The following ITPR2 variants were observed in gnomAD, a reference collection of about 807,000 sequenced individuals.
ITPR2 encodes the protein inositol 1,4,5-trisphosphate-gated calcium channel ITPR2.
In ITPR2, 207 loss-of-function variants were observed where a neutral mutation model predicts 317.1. The ratio of observed to expected loss-of-function variants is 0.65; its 90% CI spans 0.58 to 0.73. The LOEUF is 0.73. Ranked by LOEUF, ITPR2 falls within the 30% of genes least tolerant of loss-of-function variation. The probability of loss-of-function intolerance (pLI) is 0.00; values close to 1 mark genes in which losing one functional copy is unlikely to be tolerated. For missense variants in ITPR2, 2,613 were observed against 3,284.0 expected (o/e 0.80, Z 4.99); for synonymous variants, 1,156 against 1,149.1 (o/e 1.01, Z -0.12).
Position 26,578,698 on chromosome 12 carries a change from C to CAA in ITPR2, c.4630+13_4630+14dup. The CAA allele has an allele frequency of 6.4e-7, 1 of 1,573,610 alleles. No individual in the cohort carries two copies. The highest frequency in any genetic ancestry group is 8.7e-7 in the Non-Finnish European group (1 of 1,152,216). On this transcript the variant is annotated intron_variant, in intron 34 of 56. Coordinates refer to ENST00000381340, the MANE Select transcript of ITPR2 (RefSeq NM_002223.4). Reference sequence around the variant, plus strand: ...AAGAAATGTAAAAATAAGTAAAACTCAAACTATGACTTACCCACTTCAGCC... The same window carrying CAA: ...AAGAAATGTAAAAATAAGTAAAACTCAAAAACTATGACTTACCCACTTCAGCC...
chr12:26,398,764 C>A (rs780891302), intron 54 of ITPR2, 112 bp downstream of exon 54: 1 of 863,822 alleles, frequency 1.2e-6, no homozygotes, highest in Non-Finnish European at 1.8e-6. Context: ...TTTTATCCAA[C>A]CTTCATTTTG....
chr12:26,560,304 T>A (rs1405147151), intron 35 of ITPR2, among the ~76,000 whole-genome samples: 1 of 152,086 alleles, frequency 6.6e-6, no homozygotes, highest in Non-Finnish European at 1.5e-5. Context: ...TCTTTTTTTT[T>A]CTCCTATCAC....
At chr12:26,637,739 T>C (rs1433438438) in intron 21 of ITPR2, among the ~76,000 whole-genome samples, 1 of 152,224 alleles carries the variant, frequency 6.6e-6, no homozygotes, top group Non-Finnish European at 1.5e-5. Context: ...GTCACCACCT[T>C]ACTAATGAAT....
chr12:26,731,477 C>T (rs567691977), intron 2 of ITPR2, among the ~76,000 whole-genome samples: 1 of 152,082 alleles, frequency 6.6e-6, no homozygotes, highest in Non-Finnish European at 1.5e-5. Context: ...AAGGGGCAGG[C>T]AGACAAGGGG....
At chr12:26,605,126 A>AAAATATATATATATATATATATATAT (rs1555165395) in intron 26 of ITPR2, among the ~76,000 whole-genome samples, 18 of 136,316 alleles carry the variant, frequency 1.3e-4, no homozygotes, top group Admixed American at 1.0e-3. Flanking sequence ...AAAAAATAAA[A>AAAATATATATATATATATATATATAT]ATATATATAT....
chr12:26,452,423 C>T (rs1941764403), intron 45 of ITPR2, among the ~76,000 whole-genome samples: 1 of 152,068 alleles, frequency 6.6e-6, no homozygotes, highest in Non-Finnish European at 1.5e-5. Context: ...ATATGCTCCA[C>T]TTAATTTTAA....
chr12:26,536,565 T>A (rs1052387826), intron 37 of ITPR2, among the ~76,000 whole-genome samples: 2 of 150,822 alleles, frequency 1.3e-5, no homozygotes, highest in African/African-American at 4.8e-5. Flanking sequence ...AAGGAGTAAA[T>A]GTCAGAGCAT....
chr12:26,656,242 G>C (rs1365574920), intron 19 of ITPR2, 55 bp downstream of exon 19: 1 of 1,592,638 alleles, frequency 6.3e-7, no homozygotes, highest in African/African-American at 1.3e-5. Context: ...GTAGACATTT[G>C]ACGTGGAGTT....
chr12:26,832,897 G>C lies in ITPR2; in HGVS notation c.-116C>G. 1 of 796,966 alleles carries C rather than the reference G, an allele frequency of 1.3e-6. No individual in the cohort carries two copies. Among genetic ancestry groups the C allele is most frequent in the Non-Finnish European group, 2.0e-6 (1 of 492,230 alleles). 49.4% of individuals were successfully genotyped at this position (796,966 alleles called of 1,614,324 possible). On this transcript the variant is annotated 5_prime_UTR_variant, in exon 1 of 57. Coordinates refer to ENST00000381340, the MANE Select transcript of ITPR2 (RefSeq NM_002223.4). ...GATCGCGGGACTACAGCGGCCAAGA[G>C]CCGCGGCGGAGGGCACGGCCCGAGC...
chr12:26,653,600 A>G (rs1947307797), intron 21 of ITPR2, among the ~76,000 whole-genome samples: 1 of 152,142 alleles, frequency 6.6e-6, no homozygotes, highest in Admixed American at 6.5e-5. Flanking sequence ...TCTCTCTTTG[A>G]CACCTTATAA....
chr12:26,756,464 T>C (rs939133274), intron 2 of ITPR2, among the ~76,000 whole-genome samples: 6 of 152,234 alleles, frequency 3.9e-5, no homozygotes, highest in Non-Finnish European at 8.8e-5. Context: ...TCTTGAGATA[T>C]TTTTACTTAT....
rs112137274 is a variant in ITPR2, at chr12:26,811,666, G to A, written c.92+21024C>T. 9.5e-3 allele frequency among the ~76,000 whole-genome samples: 1,357 copies of A among 142,438 alleles called. 5 individuals are homozygous for A. The highest frequency in any genetic ancestry group is 0.015 in the Non-Finnish European group (1,006 of 65,512). 93.4% of individuals were successfully genotyped at this position (142,438 alleles called of 152,430 possible). A position where few individuals can be genotyped will look rare whatever the true frequency, so the allele number is the denominator to read the frequency against. On this transcript the variant is annotated intron_variant, in intron 1 of 56. Coordinates refer to ENST00000381340, the MANE Select transcript of ITPR2 (RefSeq NM_002223.4). ...GACGCCACTGCACTCCAGCCTGGGGGACAGCGAGACTCTGTCTCAAAAAAA... is the reference window on the plus strand; with the variant it reads ...GACGCCACTGCACTCCAGCCTGGGGAACAGCGAGACTCTGTCTCAAAAAAA...
Position 26,486,279 on chromosome 12 carries a change from C to T in ITPR2, c.5636G>A (p.Cys1879Tyr). 1 of 1,614,014 alleles carries T rather than the reference C, an allele frequency of 6.2e-7. No individual in the cohort carries two copies. The highest frequency in any genetic ancestry group is 1.1e-5 in the South Asian group (1 of 91,082). Reference protein sequence around the residue: ...EASSATSKAYCVYRREMDPEI... With the variant: ...EASSATSKAYYVYRREMDPEI... ...TGGATCCATTTCTCTTCTGTATACA[C>T]AATATGCTTTGGATGTTGCTGAAGA... is the stretch of plus-strand genomic sequence containing the variant. Residue 1879 changes from cysteine to tyrosine, a missense_variant, in exon 41 of 57, where the codon TGT (cysteine) becomes TAT (tyrosine). By Grantham distance (194) the Cys-to-Tyr change is radical. Around this residue, in one of 9 missense-constraint regions of ITPR2, gnomAD observed 926 missense variants for 1,072.8 expected, o/e 0.86. Transcript: ENST00000381340.
intron 54 of ITPR2, among the ~76,000 whole-genome samples, chr12:26,391,550 CTT>C (rs1565501133): frequency 4.2e-4 from 25 of 59,908 alleles, no homozygotes; most frequent in Admixed American, 1.7e-3. Context: ...TCTTCTTCTT[CTT>C]TTCCTTTTTT....
At chr12:26,488,432 C>T (rs150782885) in intron 39 of ITPR2, among the ~76,000 whole-genome samples, 183 of 152,142 alleles carry the variant, frequency 1.2e-3, no homozygotes, top group African/African-American at 4.1e-3. Context: ...GGATCTGTAA[C>T]TGAGACTCTA....
Position 26,831,681 on chromosome 12 carries a change from T to TATATATATTTATATAA in ITPR2, c.92+1008_92+1009insTTATATAAATATATAT, listed in dbSNP as rs1365085035. Among the ~76,000 whole-genome samples the TATATATATTTATATAA allele has an allele frequency of 0.033, 4,607 of 138,850 alleles. 454 individuals carry two copies. The highest frequency in any genetic ancestry group is 0.052 in the Non-Finnish European group (3,251 of 62,300). 91.1% of individuals were successfully genotyped at this position (138,850 alleles called of 152,430 possible). The stretch of plus-strand genomic sequence containing the variant: ...TTTGGCACACTGTTTTATATATAAA[T>TATATATATTTATATAA]ATATATATATATTCTACATAAAATA... On this transcript the variant is annotated intron_variant, in intron 1 of 56. Coordinates refer to ENST00000381340, the MANE Select transcript of ITPR2 (RefSeq NM_002223.4). This position sits in a 1 kb window ranked among gnomAD's most constrained non-coding sequence, Gnocchi z 4.9.
intron 49 of ITPR2, among the ~76,000 whole-genome samples, chr12:26,422,986 C>T (rs1342791915): frequency 6.6e-6 from 1 of 152,086 alleles, no homozygotes; most frequent in African/African-American, 2.4e-5. Flanking sequence ...ATGTGTAAGG[C>T]AAAATTTGCA....
chr12:26,714,234 C>T (rs1456831289), intron 8 of ITPR2, among the ~76,000 whole-genome samples: 4 of 152,122 alleles, frequency 2.6e-5, no homozygotes, highest in African/African-American at 4.8e-5. Context: ...ATTATCCCTA[C>T]TTTGATTATG....
intron 1 of ITPR2, among the ~76,000 whole-genome samples, chr12:26,801,845 T>C (rs185075734): frequency 1.1e-3 from 170 of 150,624 alleles, no homozygotes; most frequent in Non-Finnish European, 2.1e-3. Context: ...ATCTGCAAAA[T>C]GAAACTGCTG....
Sources: gnomAD v4.1 joint callset for allele counts (sites outside exome capture counted in the v4.1 genomes callset) on GRCh38, gnomAD v4.1.1 for gene constraint, gnomAD v4.1.1 regional missense constraint, Gnocchi (gnomAD v3.1) non-coding constraint, MANE v1.5 for transcripts, NCBI Gene and HGNC (gene_info 2026-07-23, HGNC 2026-07-21) for gene names.